NFIA: variants seen among roughly 807,000 people sequenced by gnomAD.
NFIA encodes the protein nuclear factor 1 A-type.
NFIA carries 8 observed loss-of-function variants against 62.8 expected under a neutral mutation model. The ratio of observed to expected loss-of-function variants is 0.13; its 90% CI spans 0.07 to 0.23. The LOEUF is 0.23. Among genes scored for constraint, NFIA ranks in the 10% least tolerant of loss-of-function variants. NFIA has a pLI of 1.00. For synonymous variants in NFIA, 235 were observed against 238.1 expected (o/e 0.99, Z 0.12); for missense variants, 410 against 642.1 (o/e 0.64, Z 3.91).
chr1:61,246,206 G>A (rs927318988), intron 2 of NFIA, among the ~76,000 whole-genome samples: 11 of 152,014 alleles, frequency 7.2e-5, no homozygotes, highest in Non-Finnish European at 1.6e-4. Flanking sequence ...TAATAATGCT[G>A]TTTAAAAAGA....
intron 3 of NFIA, among the ~76,000 whole-genome samples, chr1:61,294,052 T>C (rs1195996363): frequency 2.0e-5 from 3 of 152,212 alleles, no homozygotes; most frequent in Non-Finnish European, 4.4e-5. Flanking sequence ...GTATGACCAG[T>C]GGTCAGATTC....
At chr1:61,275,744 G>A (rs1001197682) in intron 2 of NFIA, among the ~76,000 whole-genome samples, 17 of 152,014 alleles carry the variant, frequency 1.1e-4, no homozygotes, top group Non-Finnish European at 2.2e-4. Context: ...AACAATGGAG[G>A]CATGTCTTTC....
At chr1:61,137,505 C>G (rs911062347) in intron 2 of NFIA, among the ~76,000 whole-genome samples, 2 of 152,136 alleles carry the variant, frequency 1.3e-5, no homozygotes, top group Non-Finnish European at 2.9e-5. Flanking sequence ...ATCTCTCTCC[C>G]TTCTGGCTCT....
intron 2 of NFIA, among the ~76,000 whole-genome samples, chr1:61,098,986 G>A (rs1646463814): frequency 6.6e-6 from 1 of 152,138 alleles, no homozygotes; most frequent in Non-Finnish European, 1.5e-5. Context: ...AGTCCAAAAT[G>A]TTATGGTTGA....
Position 61,352,577 on chromosome 1 carries a change from T to C in NFIA, c.818+10T>C. On this transcript the variant is annotated intron_variant, in intron 5 of 10. Transcript: ENST00000403491. ...GCACATCCTCTACGAGGTAATTTTA[T>C]TGGCAGCTCTTGAAGAAATTATGCT... 1 of 1,586,946 alleles carries C rather than the reference T, an allele frequency of 6.3e-7. No homozygotes were observed. The highest frequency in any genetic ancestry group is 8.7e-7 in the Non-Finnish European group (1 of 1,155,438).
At chr1:61,286,647 A>G (rs1658521176) in intron 3 of NFIA, among the ~76,000 whole-genome samples, 1 of 152,174 alleles carries the variant, frequency 6.6e-6, no homozygotes, top group South Asian at 2.1e-4. Flanking sequence ...AAAACAGAAA[A>G]TCCTACTCTT....
intron 2 of NFIA, among the ~76,000 whole-genome samples, chr1:61,210,949 C>T (rs1223864184): frequency 6.6e-6 from 1 of 152,206 alleles, no homozygotes; most frequent in Non-Finnish European, 1.5e-5. Flanking sequence ...AGGATCAGGG[C>T]CAATGTGATG....
rs202153913 is a variant in NFIA at position 61,175,155 on chromosome 1, T to TA, written c.559+86475_559+86476insA. 4.7e-5 allele frequency among the ~76,000 whole-genome samples: 7 copies of TA among 150,084 alleles called. No homozygotes were observed. The East Asian group carries it at 1.2e-3, about 25-fold the overall frequency. ...TTATTATTATTATTATTATTATTAT[T>TA]TTTTGAGACAGGATCTCACTCTCTT... On this transcript the variant is annotated intron_variant, in intron 2 of 10. Transcript: ENST00000403491.
chr1:61,431,075 A>G (rs1216497210), intron 10 of NFIA, among the ~76,000 whole-genome samples: 4 of 152,122 alleles, frequency 2.6e-5, no homozygotes, highest in African/African-American at 7.2e-5. Context: ...TTTAGACACT[A>G]TTAACGTGCC....
At position 61,456,806 on chromosome 1, in the gene NFIA, C is replaced by CA. The variant is rs1668325908; in HGVS notation, c.*1492dup. Reference sequence around the variant, plus strand: ...GTCCTGTATCTTATGAAAAAAAAAACAAAAAACAAAAACAAAAAAAAAACA... The same window carrying CA: ...GTCCTGTATCTTATGAAAAAAAAAACAAAAAAACAAAAACAAAAAAAAAACA... On this transcript the variant is annotated 3_prime_UTR_variant, in exon 11 of 11. Coordinates refer to ENST00000403491, the MANE Select transcript of NFIA (RefSeq NM_001134673.4). 9.3e-6 allele frequency: 1 copy of CA among 106,962 alleles called. No homozygotes were observed. Among genetic ancestry groups the CA allele is most frequent in the African/African-American group, 4.1e-5 (1 of 24,452 alleles). The allele number at this position is 106,962 out of a possible 1,614,324, so 6.6% of individuals were successfully genotyped here.
intron 2 of NFIA, among the ~76,000 whole-genome samples, chr1:61,221,567 C>T (rs1654018622): frequency 6.6e-6 from 1 of 151,994 alleles, no homozygotes; most frequent in Non-Finnish European, 1.5e-5. Context: ...AAATCCAAAT[C>T]GTTGATAGTT....
intron 2 of NFIA, among the ~76,000 whole-genome samples, chr1:61,154,302 T>G (rs1648639122): frequency 6.6e-6 from 1 of 152,048 alleles, no homozygotes; most frequent in South Asian, 2.1e-4. Context: ...ATTACAGGCA[T>G]GCACCACCAT....
chr1:61,259,569 G>C (rs544903632), intron 2 of NFIA, among the ~76,000 whole-genome samples: 2 of 152,224 alleles, frequency 1.3e-5, no homozygotes, highest in African/African-American at 4.8e-5. Flanking sequence ...GGAATGATGA[G>C]TTCTGCCAAG....
intron 4 of NFIA, among the ~76,000 whole-genome samples, chr1:61,346,282 G>A (rs1234142509): frequency 6.6e-6 from 1 of 152,210 alleles, no homozygotes; most frequent in Non-Finnish European, 1.5e-5. Flanking sequence ...TTGATTGGCA[G>A]CGACTGCATC....
At chr1:61,340,568 G>A (rs1213068611) in intron 4 of NFIA, among the ~76,000 whole-genome samples, 1 of 152,190 alleles carries the variant, frequency 6.6e-6, no homozygotes, top group Non-Finnish European at 1.5e-5. Context: ...AGATAGTCTA[G>A]TGTCTGCCAC....
At chr1:61,279,847 G>A (rs1311236817) in intron 3 of NFIA, among the ~76,000 whole-genome samples, 1 of 152,130 alleles carries the variant, frequency 6.6e-6, no homozygotes, top group Non-Finnish European at 1.5e-5. Flanking sequence ...ATTGAGCCTG[G>A]ATTTTTTGGC....
At chr1:61,298,104 G>GT (rs1659287948) in intron 3 of NFIA, among the ~76,000 whole-genome samples, 1 of 152,168 alleles carries the variant, frequency 6.6e-6, no homozygotes, top group African/African-American at 2.4e-5. Flanking sequence ...GGAGGGAGCT[G>GT]TAATTCCCAT....
chr1:61,161,932 A>G (rs964861654), intron 2 of NFIA, among the ~76,000 whole-genome samples: 3 of 152,188 alleles, frequency 2.0e-5, no homozygotes, highest in Admixed American at 6.5e-5. Flanking sequence ...AAATGAGTTA[A>G]TGTAGAAAAC....
At chr1:61,235,015 C>T (rs912301909) in intron 2 of NFIA, among the ~76,000 whole-genome samples, 5 of 152,118 alleles carry the variant, frequency 3.3e-5, no homozygotes, top group African/African-American at 1.2e-4. Context: ...CCTAGTCAAG[C>T]CTTTATACCC....
Sources: allele counts gnomAD v4.1 joint callset (sites outside exome capture counted in the v4.1 genomes callset), GRCh38; gene constraint gnomAD v4.1.1; transcripts MANE v1.5; gene names NCBI Gene and HGNC (gene_info 2026-07-23, HGNC 2026-07-21).